WNT5A: variants seen among roughly 807,000 people sequenced by gnomAD.
The protein encoded by WNT5A is protein Wnt-5a.
Under a neutral mutation model 42.1 loss-of-function variants are expected in WNT5A, and 9 were observed. The ratio of observed to expected loss-of-function variants is 0.21; its 90% CI spans 0.13 to 0.37. The LOEUF is 0.37. Among genes scored for constraint, WNT5A ranks in the 10% least tolerant of loss-of-function variants. The pLI is 1.00. For missense variants in WNT5A, 426 were observed against 534.0 expected, an observed-to-expected ratio of 0.80 and a Z score of 1.99; for synonymous variants, 210 against 210.0, an observed-to-expected ratio of 1.00 and a Z score of 0.00.
chr3:55,488,923 G>A (rs1433405819), upstream of WNT5A, among the ~76,000 whole-genome samples: 1 of 152,208 alleles, frequency 6.6e-6, no homozygotes. Flanking sequence ...GATAGGGTTA[G>A]GCGCTCACCT....
At chr3:55,499,883 G>A in the WNT5A span, among the ~76,000 whole-genome samples, 2 of 151,704 alleles carry the variant, frequency 1.3e-5, no homozygotes, top group East Asian at 3.9e-4. Flanking sequence ...GCTGAGGCAG[G>A]AGAATCAACT....
At chr3:55,470,667 G>T in intron 4 of WNT5A, 117 bp from the exon 5 acceptor site, 1 of 979,842 alleles carries the variant, frequency 1.0e-6, no homozygotes. Flanking sequence ...CTGAATTAAG[G>T]ACTGTATTAT....
chr3:55,473,803 C>A (rs2051296629), intron 4 of WNT5A, among the ~76,000 whole-genome samples: 1 of 152,180 alleles, frequency 6.6e-6, no homozygotes, highest in Non-Finnish European at 1.5e-5. Flanking sequence ...CATCTGGGCA[C>A]CTACGAAGAC....
At chr3:55,502,411 T>C in the WNT5A span, among the ~76,000 whole-genome samples, 12 of 152,178 alleles carry the variant, frequency 7.9e-5, no homozygotes, top group African/African-American at 2.4e-4. Flanking sequence ...AATCAAACAC[T>C]TTTTGTGGAA....
chr3:55,498,698 G>A, the WNT5A span, among the ~76,000 whole-genome samples: 1 of 152,172 alleles, frequency 6.6e-6, no homozygotes, highest in African/African-American at 2.4e-5. Context: ...ACTTAAGGTA[G>A]GGGCATGTGA....
chr3:55,499,980 CAAAAA>C, the WNT5A span, among the ~76,000 whole-genome samples: 128 of 141,054 alleles, frequency 9.1e-4, 3 homozygotes, highest in Middle Eastern at 7.3e-3. Flanking sequence ...ATCCCCCCTC[CAAAAA>C]AAAAAAAAAA....
rs961828024 is a variant in WNT5A, at chr3:55,483,057, T to C, written c.7-2139A>G. Among the ~76,000 whole-genome samples, 8 of 152,096 alleles carry C rather than the reference T, an allele frequency of 5.3e-5. No homozygotes were observed. Among genetic ancestry groups the C allele is most frequent in the African/African-American group, 1.2e-4 (5 of 41,478 alleles). Reference sequence around the variant, plus strand: ...GGGCGGGGCTCAAGCAGCAGAGAAATTGATAACAGATTCGGCGGATTACAG... The same window carrying C: ...GGGCGGGGCTCAAGCAGCAGAGAAACTGATAACAGATTCGGCGGATTACAG... On this transcript the variant is annotated intron_variant, in intron 1 of 4. Transcript: ENST00000264634. This position sits in a 1 kb window ranked among gnomAD's most constrained non-coding sequence, Gnocchi z 4.2.
chr3:55,482,170 C>G (rs1213204493), intron 1 of WNT5A, among the ~76,000 whole-genome samples: 1 of 152,240 alleles, frequency 6.6e-6, no homozygotes, highest in African/African-American at 2.4e-5. Flanking sequence ...GGCTTCCGAG[C>G]CGCAGCTGGG....
intron 1 of WNT5A, among the ~76,000 whole-genome samples, chr3:55,481,621 G>T (rs2051466967): frequency 6.6e-6 from 1 of 152,210 alleles, no homozygotes; most frequent in Non-Finnish European, 1.5e-5. Flanking sequence ...GGGAAGAGCA[G>T]CCCGGATTTC....
Position 55,486,976 on chromosome 3 carries a change from C to T in WNT5A, c.6+4G>A, listed in dbSNP as rs1161943965. On this transcript the variant is annotated splice_donor_region_variant and intron_variant, in intron 1 of 4. Transcript: ENST00000264634. ...AAAAAAGTGGCAGCGCACTGAACAC[C>T]TACCTTCATGGCGAGGGGGAGGGGG... 1.2e-6 allele frequency: 2 copies of T among 1,612,252 alleles called. No homozygotes were observed. Among genetic ancestry groups the T allele is most frequent in the Non-Finnish European group, 1.7e-6 (2 of 1,179,018 alleles).
In WNT5A at chr3:55,469,305, G is replaced by T. The variant is rs996048635; in HGVS notation, c.*787C>A. On this transcript the variant is annotated 3_prime_UTR_variant, in exon 5 of 5. Coordinates refer to ENST00000264634, the MANE Select transcript of WNT5A (RefSeq NM_003392.7). ...AATCTAGTGTCCAGAATCATTTGGGGATCTTTTTACAATCTGGAATCCTAA... is the reference window on the plus strand; with the variant it reads ...AATCTAGTGTCCAGAATCATTTGGGTATCTTTTTACAATCTGGAATCCTAA... The T allele has an allele frequency of 6.6e-5, 10 of 152,154 alleles. No homozygotes were observed. The highest frequency in any genetic ancestry group is 2.2e-4 in the African/African-American group (9 of 41,426). The allele number at this position is 152,154 out of a possible 1,614,324, so 9.4% of individuals were successfully genotyped here. A position where few individuals can be genotyped will look rare whatever the true frequency, so the allele number is the denominator to read the frequency against.
intron 2 of WNT5A, 105 bp from the exon 3 acceptor site, chr3:55,479,669 T>C: frequency 7.2e-7 from 1 of 1,393,044 alleles, no homozygotes; most frequent in Non-Finnish European, 9.6e-7. Context: ...GATGCTTTTT[T>C]CTCTCCTGCT....
At chr3:55,482,678 C>G (rs890045178) in intron 1 of WNT5A, among the ~76,000 whole-genome samples, 1 of 152,186 alleles carries the variant, frequency 6.6e-6, no homozygotes, top group Non-Finnish European at 1.5e-5. Context: ...CAGTTGTCCC[C>G]AAAACGCTGC....
the WNT5A span, among the ~76,000 whole-genome samples, chr3:55,502,909 G>T: frequency 1.3e-5 from 2 of 152,200 alleles, no homozygotes; most frequent in African/African-American, 2.4e-5. Context: ...TGCCATACTG[G>T]CATTAGGCCT....
upstream of WNT5A, chr3:55,487,322 C>A (rs943935219): frequency 2.1e-5 from 8 of 373,576 alleles, no homozygotes; most frequent in Non-Finnish European, 3.3e-5. Flanking sequence ...GAGAGGCGCT[C>A]CGTTTCCAAC....
rs755298105 is a variant in WNT5A at position 55,470,534 on chromosome 3, G to C, written c.701C>G (p.Ala234Gly). ...EAGRRTVYNLADVACKCHGVS... is the reference protein window; with the variant it reads ...EAGRRTVYNLGDVACKCHGVS... ...CCCATGGCACTTGCAGGCCACATCA[G>C]CCAGGTTGTACACCGTCTGCAGGGA... Residue 234 changes from alanine to glycine, a missense_variant, in exon 5 of 5, where the codon GCT becomes GGT. Ala to Gly is a moderately conservative substitution (Grantham distance 60). Transcript: ENST00000264634. The C allele has an allele frequency of 2.6e-6, 4 of 1,563,350 alleles. No individual in the cohort carries two copies. In the South Asian group the frequency reaches 3.6e-5, roughly 14 times the overall value.
chr3:55,468,989 G>C lies in WNT5A; in HGVS notation c.*1103C>G, dbSNP rs372238602. ...TTTCATTTCCTGTCCTACAACCAAAGGGGACCCAGTGGAGCTGCCGTTTGG... is the reference window on the plus strand; with the variant it reads ...TTTCATTTCCTGTCCTACAACCAAACGGGACCCAGTGGAGCTGCCGTTTGG... On this transcript the variant is annotated 3_prime_UTR_variant, in exon 5 of 5. Coordinates refer to ENST00000264634, the MANE Select transcript of WNT5A (RefSeq NM_003392.7). 1.4e-4 allele frequency: 22 copies of C among 152,290 alleles called. No individual in the cohort carries two copies. The East Asian group carries it at 4.2e-3, about 29-fold the overall frequency. The allele number at this position is 152,290 out of a possible 1,614,324, so 9.4% of individuals were successfully genotyped here.
rs374828022 is a variant in WNT5A at position 55,468,650 on chromosome 3, GTA to G, written c.*1440_*1441del. The G allele has an allele frequency of 8.1e-4, 119 of 147,188 alleles. No homozygotes were observed. Among genetic ancestry groups the G allele is most frequent in the East Asian group, 4.7e-3 (24 of 5,096 alleles). 9.1% of individuals were successfully genotyped at this position (147,188 alleles called of 1,614,324 possible). ...TATTTATATTTATATTTATATATAT[GTA>G]TATATATATATATGTTATGTACAAA... On this transcript the variant is annotated 3_prime_UTR_variant, in exon 5 of 5. Transcript: ENST00000264634.
intron 1 of WNT5A, among the ~76,000 whole-genome samples, chr3:55,482,579 C>G: frequency 6.6e-6 from 1 of 152,154 alleles, no homozygotes; most frequent in East Asian, 1.9e-4. Context: ...GTGAGCCGCC[C>G]CTTTGGCCTG....
Sources: gnomAD v4.1 joint callset for allele counts (sites outside exome capture counted in the v4.1 genomes callset) on GRCh38, gnomAD v4.1.1 for gene constraint, Gnocchi (gnomAD v3.1) non-coding constraint, MANE v1.5 for transcripts, NCBI Gene and HGNC (gene_info 2026-07-23, HGNC 2026-07-21) for gene names.